The following PDE4D variants were observed in gnomAD, a reference collection of about 807,000 sequenced individuals.
PDE4D encodes 3',5'-cyclic-AMP phosphodiesterase 4D.
Under a neutral mutation model 87.4 loss-of-function variants are expected in PDE4D, and 24 were observed. That is an observed-to-expected ratio of 0.27 (90% CI 0.20 to 0.39). The LOEUF (loss-of-function observed/expected upper bound fraction) is 0.39, where lower values mean the gene tolerates loss of function less well. PDE4D is among the 10% of genes least tolerant of loss of function. The pLI is 1.00. For synonymous variants in PDE4D, 384 were observed against 383.2 expected (o/e 1.00, Z -0.02); for missense variants, 714 against 1,041.0 (o/e 0.69, Z 4.32).
intron 1 of PDE4D, among the ~76,000 whole-genome samples, chr5:60,366,876 A>G (rs1760597776): frequency 6.6e-6 from 1 of 152,012 alleles, no homozygotes; most frequent in South Asian, 2.1e-4. Context: ...AAAGGGCATG[A>G]ATATCTGAAT....
At chr5:59,482,847 G>A (rs1804507549) in intron 1 of PDE4D, among the ~76,000 whole-genome samples, 1 of 152,070 alleles carries the variant, frequency 6.6e-6, no homozygotes, top group East Asian at 1.9e-4. Flanking sequence ...TACATGGTGG[G>A]ATGATTGATT....
intron 3 of PDE4D, among the ~76,000 whole-genome samples, chr5:59,965,714 G>T (rs575231163): frequency 6.6e-6 from 1 of 152,242 alleles, no homozygotes; most frequent in African/African-American, 2.4e-5. Flanking sequence ...CTGGTAATTT[G>T]TGCAGTCAGT....
intron 2 of PDE4D, among the ~76,000 whole-genome samples, chr5:60,085,391 C>T (rs1238358266): frequency 1.3e-5 from 2 of 152,174 alleles, no homozygotes; most frequent in Non-Finnish European, 2.9e-5. Context: ...CGAAGCCCCT[C>T]TCTTGTTCCT....
chr5:59,216,418 C>G (rs1365338918), intron 1 of PDE4D, among the ~76,000 whole-genome samples: 2 of 152,120 alleles, frequency 1.3e-5, no homozygotes, highest in Admixed American at 1.3e-4. Flanking sequence ...GCATTAATTT[C>G]TATTGTACCC....
rs529943443 is a variant in PDE4D, at chr5:60,006,306, C to T, written c.43-17589G>A. Reference sequence around the variant, plus strand: ...AAAAACACAATTACTTTCGCGCCAACCAATTACTATTCTCTGTACTTTTGC... The same window carrying T: ...AAAAACACAATTACTTTCGCGCCAATCAATTACTATTCTCTGTACTTTTGC... On this transcript the variant is annotated intron_variant, in intron 2 of 16. Coordinates refer to the PDE4D transcript ENST00000502484. 8.3e-5 allele frequency among the ~76,000 whole-genome samples: 12 copies of T among 145,316 alleles called. 1 individual carries two copies. The highest frequency in any genetic ancestry group is 3.0e-4 in the African/African-American group (11 of 37,130).
At chr5:59,017,904 G>A (rs1754364977) in intron 6 of PDE4D, among the ~76,000 whole-genome samples, 1 of 152,236 alleles carries the variant, frequency 6.6e-6, no homozygotes, top group African/African-American at 2.4e-5. Flanking sequence ...GGTTAGTAGT[G>A]TATGAGAATT....
At chr5:60,227,459 C>T (rs1745249542) in intron 1 of PDE4D, among the ~76,000 whole-genome samples, 1 of 151,206 alleles carries the variant, frequency 6.6e-6, no homozygotes, top group Non-Finnish European at 1.5e-5. Flanking sequence ...CTGGCTACAG[C>T]AGCATTCCAG....
At chr5:59,760,615 T>C (rs766984962) in intron 1 of PDE4D, among the ~76,000 whole-genome samples, 3 of 152,160 alleles carry the variant, frequency 2.0e-5, no homozygotes, top group Non-Finnish European at 4.4e-5. Context: ...CCCATGAAAT[T>C]ACTTATATTA....
intron 1 of PDE4D, among the ~76,000 whole-genome samples, chr5:60,498,965 C>T (rs1749944380): frequency 1.3e-5 from 2 of 152,162 alleles, no homozygotes; most frequent in African/African-American, 4.8e-5. Context: ...GGTGATCAGC[C>T]ACCCAATGGC....
intron 2 of PDE4D, among the ~76,000 whole-genome samples, chr5:60,075,757 A>C (rs2152899588): frequency 6.6e-6 from 1 of 152,210 alleles, no homozygotes; most frequent in African/African-American, 2.4e-5. Context: ...TCAGAAAGCC[A>C]GTCTTCAAGC....
chr5:59,241,144 T>A (rs1431511176), intron 1 of PDE4D, among the ~76,000 whole-genome samples: 1 of 152,158 alleles, frequency 6.6e-6, no homozygotes, highest in African/African-American at 2.4e-5. Context: ...ATTTCTGCTA[T>A]GAAAAGAGGA....
chr5:60,108,401 G>A (rs1337881995), intron 2 of PDE4D, among the ~76,000 whole-genome samples: 2 of 152,130 alleles, frequency 1.3e-5, no homozygotes, highest in East Asian at 1.9e-4. Flanking sequence ...TCATGGGTCG[G>A]AAGAATCAAT....
intron 2 of PDE4D, among the ~76,000 whole-genome samples, chr5:60,168,499 C>T (rs796945364): frequency 6.6e-6 from 1 of 152,312 alleles, no homozygotes; most frequent in African/African-American, 2.4e-5. Context: ...TGTGAACCCT[C>T]TTCTGAGTAG....
chr5:60,309,231 G>A (rs932884634), intron 1 of PDE4D, among the ~76,000 whole-genome samples: 1 of 152,014 alleles, frequency 6.6e-6, no homozygotes, highest in Non-Finnish European at 1.5e-5. Flanking sequence ...GAAACATGAG[G>A]GAGGAGGGGG....
intron 1 of PDE4D, among the ~76,000 whole-genome samples, chr5:60,463,023 C>T (rs1045698205): frequency 4.6e-5 from 7 of 152,028 alleles, no homozygotes; most frequent in East Asian, 1.9e-4. Context: ...GAAGGAAACC[C>T]GTGAAACAAG....
rs1746712602 is a variant in PDE4D at position 59,864,347 on chromosome 5, G to A, written c.455+28821C>T. Among the ~76,000 whole-genome samples, 3 of 152,102 alleles carry A rather than the reference G, an allele frequency of 2.0e-5. No individual in the cohort carries two copies. The South Asian group carries it at 6.2e-4, about 32-fold the overall frequency. ...TGCAATTGAAATCGTAAATGTGTTG[G>A]CTATTATTTCTTTCTTTGGCTGTAA... On this transcript the variant is annotated intron_variant, in intron 1 of 14. Coordinates refer to ENST00000340635, the MANE Select transcript of PDE4D (RefSeq NM_001104631.2).
At chr5:59,021,318 A>G (rs1448711541) in intron 6 of PDE4D, among the ~76,000 whole-genome samples, 1 of 152,202 alleles carries the variant, frequency 6.6e-6, no homozygotes, top group Non-Finnish European at 1.5e-5. Flanking sequence ...AGCTAAAACT[A>G]AAGTAAACAA....
At chr5:59,917,124 T>C (rs759723570) in intron 3 of PDE4D, among the ~76,000 whole-genome samples, 6 of 151,832 alleles carry the variant, frequency 4.0e-5, no homozygotes, top group Non-Finnish European at 7.4e-5. Flanking sequence ...AAGAAGTCTT[T>C]CATTACACGG....
chr5:60,484,979 T>A (rs548328160), intron 1 of PDE4D, among the ~76,000 whole-genome samples: 1 of 152,340 alleles, frequency 6.6e-6, no homozygotes, highest in East Asian at 1.9e-4. Flanking sequence ...AGAAAACGTT[T>A]CATGGCCTGA....
Sources: allele counts gnomAD v4.1 joint callset (sites outside exome capture counted in the v4.1 genomes callset), GRCh38; gene constraint gnomAD v4.1.1; transcripts MANE v1.5; gene names NCBI Gene and HGNC (gene_info 2026-07-23, HGNC 2026-07-21).